The following MCTP1 variants were observed in gnomAD, a reference collection of about 807,000 sequenced individuals.
MCTP1 encodes the protein multiple C2 and transmembrane domain containing 1.
A neutral mutation model predicts 120.6 loss-of-function variants in MCTP1; 69 were observed. The observed-to-expected ratio is 0.57, with a 90% CI of 0.47 to 0.70. The LOEUF (loss-of-function observed/expected upper bound fraction) is 0.70. MCTP1 is among the 30% of genes least tolerant of loss of function. MCTP1 has a pLI of 0.00. For synonymous variants in MCTP1, 529 were observed against 493.1 expected (o/e 1.07, Z -0.96); for missense variants, 1,203 against 1,248.8 (o/e 0.96, Z 0.55).
At chr5:95,031,690 A>T (rs550069350) in intron 1 of MCTP1, among the ~76,000 whole-genome samples, 6 of 152,282 alleles carry the variant, frequency 3.9e-5, no homozygotes, top group African/African-American at 1.4e-4. Context: ...AACACAGTTA[A>T]GTACAAGGCT....
intron 2 of MCTP1, among the ~76,000 whole-genome samples, chr5:94,996,243 T>A (rs959298596): frequency 6.6e-6 from 1 of 152,232 alleles, no homozygotes; most frequent in African/African-American, 2.4e-5. Flanking sequence ...TGTACGTGAT[T>A]ACACTGAAAG....
At chr5:94,829,063 T>G (rs1352535654) in intron 17 of MCTP1, among the ~76,000 whole-genome samples, 1 of 152,082 alleles carries the variant, frequency 6.6e-6, no homozygotes, top group Non-Finnish European at 1.5e-5. Context: ...AATGGCCGCC[T>G]AGTTTTGTGC....
intron 1 of MCTP1, among the ~76,000 whole-genome samples, chr5:95,255,529 G>C (rs766075082): frequency 6.6e-6 from 1 of 152,070 alleles, no homozygotes; most frequent in African/African-American, 2.4e-5. Flanking sequence ...AAGCCAGGAT[G>C]GTACCCCTGG....
intron 1 of MCTP1, among the ~76,000 whole-genome samples, chr5:95,112,956 G>T (rs915513109): frequency 5.3e-5 from 8 of 152,026 alleles, no homozygotes; most frequent in Non-Finnish European, 1.0e-4. Flanking sequence ...AGCATATTCC[G>T]ACTTTTAGTA....
Position 95,285,030 on chromosome 5 carries a change from G to C in MCTP1, c.-455C>G, listed in dbSNP as rs1760635807. On this transcript the variant is annotated 5_prime_UTR_variant, in exon 1 of 23. Transcript: ENST00000515393. Reference sequence around the variant, plus strand: ...ACCCGGCGCCCTCTGGGCAGCACCTGTCAGCGGCGGGGGCGGCTGCCTCCA... The same window carrying C: ...ACCCGGCGCCCTCTGGGCAGCACCTCTCAGCGGCGGGGGCGGCTGCCTCCA... Among the ~76,000 whole-genome samples the C allele has an allele frequency of 1.3e-5, 2 of 152,164 alleles. No homozygotes were observed. Among genetic ancestry groups the C allele is most frequent in the South Asian group, 4.1e-4 (2 of 4,836 alleles).
In MCTP1 at chr5:94,931,664, C is replaced by A. The variant is rs143468445; in HGVS notation, c.1212+289G>T. ...CCTCCCCTAGCCTCATCATTTTATTCCTGGCTCAGAGCAATTTTCTAGACC... is the reference window on the plus strand; with the variant it reads ...CCTCCCCTAGCCTCATCATTTTATTACTGGCTCAGAGCAATTTTCTAGACC... On this transcript the variant is annotated intron_variant, in intron 6 of 22. Transcript: ENST00000515393. 3.2e-3 allele frequency: 1,053 copies of A among 329,938 alleles called. 16 individuals are homozygous for A. Among genetic ancestry groups the A allele is most frequent in the African/African-American group, 0.021 (1,005 of 46,808 alleles). 20.4% of individuals were successfully genotyped at this position (329,938 alleles called of 1,614,324 possible). A position where few individuals can be genotyped will look rare whatever the true frequency, so the allele number is the denominator to read the frequency against.
chr5:94,989,884 T>C (rs576056016), intron 2 of MCTP1, among the ~76,000 whole-genome samples: 1 of 152,284 alleles, frequency 6.6e-6, no homozygotes, highest in East Asian at 1.9e-4. Context: ...CACACTGATG[T>C]GCTGGAAGGT....
At chr5:94,818,498 G>A (rs551443022) in intron 17 of MCTP1, among the ~76,000 whole-genome samples, 2 of 152,168 alleles carry the variant, frequency 1.3e-5, no homozygotes, top group African/African-American at 2.4e-5. Context: ...CACTCTTCTC[G>A]AACACCATCA....
chr5:94,889,037 G>A, intron 11 of MCTP1, 65 bp from the exon 12 acceptor site: 1 of 1,050,086 alleles, frequency 9.5e-7, no homozygotes, highest in East Asian at 2.4e-5. Context: ...AGTGTGCTGA[G>A]AAAACATTAC....
intron 1 of MCTP1, among the ~76,000 whole-genome samples, chr5:95,070,627 C>T (rs1019147761): frequency 2.6e-5 from 4 of 152,192 alleles, no homozygotes. Context: ...TGGGAAGTTG[C>T]CCTGTACTGC....
chr5:95,010,743 T>A (rs1835771484), intron 2 of MCTP1, among the ~76,000 whole-genome samples: 1 of 152,134 alleles, frequency 6.6e-6, no homozygotes, highest in African/African-American at 2.4e-5. Flanking sequence ...CTCATTCCAC[T>A]GAAAGTTGTT....
intron 2 of MCTP1, among the ~76,000 whole-genome samples, chr5:95,000,590 A>T (rs1159026477): frequency 1.3e-5 from 2 of 152,190 alleles, no homozygotes; most frequent in Non-Finnish European, 2.9e-5. Flanking sequence ...AAAAATATTT[A>T]AAAAAGAAAA....
At chr5:95,241,955 G>A (rs1582635953) in intron 1 of MCTP1, among the ~76,000 whole-genome samples, 1 of 151,962 alleles carries the variant, frequency 6.6e-6, no homozygotes, top group Non-Finnish European at 1.5e-5. Context: ...AATAGGCAAA[G>A]AAAATAAAAA....
intron 1 of MCTP1, among the ~76,000 whole-genome samples, chr5:95,060,395 C>T (rs1437384610): frequency 1.3e-5 from 2 of 152,072 alleles, no homozygotes; most frequent in South Asian, 2.1e-4. Context: ...ATGGGCTTCC[C>T]TAGGAAGCTG....
chr5:95,072,437 G>C (rs566534602), intron 1 of MCTP1, among the ~76,000 whole-genome samples: 1 of 152,222 alleles, frequency 6.6e-6, no homozygotes, highest in African/African-American at 2.4e-5. Context: ...TTTTGCCAAA[G>C]ACTGTCTCAC....
intron 20 of MCTP1, among the ~76,000 whole-genome samples, chr5:94,713,824 T>G (rs533981399): frequency 1.8e-4 from 27 of 152,178 alleles, no homozygotes; most frequent in Non-Finnish European, 3.7e-4. Context: ...AGGCACGAGA[T>G]GAATGACTCA....
At chr5:95,065,306 A>G (rs1160677270) in intron 1 of MCTP1, among the ~76,000 whole-genome samples, 1 of 152,054 alleles carries the variant, frequency 6.6e-6, no homozygotes, top group Non-Finnish European at 1.5e-5. Flanking sequence ...GAAGATTGCA[A>G]GAAAAGAAAA....
At position 95,263,296 on chromosome 5, in the gene MCTP1, C is replaced by T. The variant is rs564372921; in HGVS notation, c.720+20560G>A. 1.1e-3 allele frequency among the ~76,000 whole-genome samples: 172 copies of T among 152,276 alleles called. 1 individual carries two copies. Among genetic ancestry groups the T allele is most frequent in the Middle Eastern group, 3.4e-3 (1 of 294 alleles). On this transcript the variant is annotated intron_variant, in intron 1 of 22. Transcript: ENST00000515393. ...GAGGAGAACAGGGCAGTTTCCCATT[C>T]CCTTGCCAGACCCAGAGCCATTCTT... is the stretch of plus-strand genomic sequence containing the variant.
At chr5:94,787,728 T>C (rs578103974) in intron 18 of MCTP1, among the ~76,000 whole-genome samples, 42 of 152,114 alleles carry the variant, frequency 2.8e-4, no homozygotes, top group Middle Eastern at 3.4e-3. Flanking sequence ...GCCATTCTCC[T>C]GCCTCAGCCT....
Sources: gnomAD v4.1 joint callset for allele counts (sites outside exome capture counted in the v4.1 genomes callset) on GRCh38, gnomAD v4.1.1 for gene constraint, MANE v1.5 for transcripts, NCBI Gene and HGNC (gene_info 2026-07-23, HGNC 2026-07-21) for gene names.